RHCE: variants seen among roughly 807,000 people sequenced by gnomAD.
The protein encoded by RHCE is blood group Rh(CE) polypeptide.
Under a neutral mutation model 43.8 loss-of-function variants are expected in RHCE, and 22 were observed. The ratio of observed to expected loss-of-function variants is 0.50; its 90% CI spans 0.36 to 0.72. The LOEUF is 0.72. Among genes scored for constraint, RHCE ranks in the 30% least tolerant of loss-of-function variants. RHCE has a pLI of 0.00. For synonymous variants in RHCE, 156 were observed against 210.7 expected, an observed-to-expected ratio of 0.74 and a Z score of 2.25; for missense variants, 385 against 525.4, an observed-to-expected ratio of 0.73 and a Z score of 2.61.
intron 2 of RHCE, among the ~76,000 whole-genome samples, chr1:25,405,405 T>C (rs1032670863): frequency 1.3e-5 from 2 of 151,962 alleles, no homozygotes; most frequent in African/African-American, 4.8e-5. Flanking sequence ...GTAATCCCAG[T>C]ACTTTGGGAG....
intron 9 of RHCE, among the ~76,000 whole-genome samples, chr1:25,369,896 G>A (rs1206145847): frequency 3.3e-5 from 5 of 150,998 alleles, no homozygotes; most frequent in African/African-American, 9.9e-5. Flanking sequence ...GTGCTACCAC[G>A]CCCAGCTAAC....
chr1:25,405,424 G>A (rs181191523), intron 2 of RHCE, among the ~76,000 whole-genome samples: 62 of 152,314 alleles, frequency 4.1e-4, no homozygotes, highest in Non-Finnish European at 6.0e-4. Context: ...AGGCCTAGGC[G>A]GGTGGATCAC....
intron 6 of RHCE, among the ~76,000 whole-genome samples, chr1:25,386,169 C>T (rs1646152513): frequency 6.6e-6 from 1 of 152,174 alleles, no homozygotes; most frequent in Admixed American, 6.5e-5. Flanking sequence ...GCTGATAATT[C>T]CTTGTGATGG....
At chr1:25,382,054 G>A (rs1442069560) in intron 7 of RHCE, among the ~76,000 whole-genome samples, 10 of 151,318 alleles carry the variant, frequency 6.6e-5, no homozygotes, top group Non-Finnish European at 1.5e-5. Flanking sequence ...ATCATGACAT[G>A]GAGAAGTCAT....
At chr1:25,418,818 T>C (rs949487064) in intron 1 of RHCE, among the ~76,000 whole-genome samples, 2 of 152,228 alleles carry the variant, frequency 1.3e-5, no homozygotes, top group African/African-American at 4.8e-5. Flanking sequence ...GCCTGGGTTG[T>C]GGACCCTCCT....
chr1:25,394,442 C>G (rs914437329), intron 3 of RHCE, among the ~76,000 whole-genome samples: 1 of 152,060 alleles, frequency 6.6e-6, no homozygotes, highest in Non-Finnish European at 1.5e-5. Context: ...AAAAAATCAC[C>G]CCCTTGATGA....
chr1:25,408,067 C>T (rs376786749), intron 2 of RHCE, among the ~76,000 whole-genome samples: 1 of 123,058 alleles, frequency 8.1e-6, no homozygotes, highest in African/African-American at 2.5e-5. Flanking sequence ...GCAGGCCGGT[C>T]ACCTGAGGTC....
In RHCE at chr1:25,414,671, A is replaced by G. The variant is rs966501239; in HGVS notation, c.149-5802T>C. The stretch of plus-strand genomic sequence containing the variant: ...GGATGGGGGACTGAGTGGTATCCAC[A>G]GCACAGGACCCAGGATAGTCTCCCA... On this transcript the variant is annotated intron_variant, in intron 1 of 9. Transcript: ENST00000294413. Among the ~76,000 whole-genome samples, 3 of 152,314 alleles carry G rather than the reference A, an allele frequency of 2.0e-5. No homozygotes were observed. In the South Asian group the frequency reaches 6.2e-4, roughly 32 times the overall value.
intron 8 of RHCE, among the ~76,000 whole-genome samples, chr1:25,373,886 C>G (rs1645693065): frequency 6.7e-6 from 1 of 149,902 alleles, no homozygotes. Context: ...GCTGGTGCAA[C>G]CTTGGCTCAC....
upstream of RHCE, among the ~76,000 whole-genome samples, chr1:25,424,842 T>C (rs139523978): frequency 0.01 from 1,536 of 152,008 alleles, 24 homozygotes; most frequent in African/African-American, 0.035. Flanking sequence ...TTTTTTTAGA[T>C]GGAGTACTCT....
intron 6 of RHCE, among the ~76,000 whole-genome samples, chr1:25,388,761 C>G (rs1466803903): frequency 6.6e-6 from 1 of 152,196 alleles, no homozygotes; most frequent in Non-Finnish European, 1.5e-5. Context: ...TCCCCAGTGC[C>G]CAAGCAAGCT....
chr1:25,393,347 G>C (rs1214593322), intron 3 of RHCE, among the ~76,000 whole-genome samples: 4 of 152,144 alleles, frequency 2.6e-5, no homozygotes, highest in Admixed American at 6.6e-5. Context: ...CAGGCCGGGC[G>C]TGGTGGCTCA....
At chr1:25,381,055 C>A (rs1314299403) in intron 7 of RHCE, among the ~76,000 whole-genome samples, 1 of 151,980 alleles carries the variant, frequency 6.6e-6, no homozygotes, top group African/African-American at 2.4e-5. Flanking sequence ...GCGCCCACCA[C>A]CACGCCTGGC....
intron 1 of RHCE, among the ~76,000 whole-genome samples, chr1:25,411,896 G>A (rs1647091032): frequency 6.6e-6 from 1 of 152,194 alleles, no homozygotes; most frequent in South Asian, 2.1e-4. Context: ...AAGTGCATCT[G>A]CCATTTTGTA....
At chr1:25,430,202 A>T (rs901996639), upstream of RHCE, 1 of 152,022 alleles carries the variant, frequency 6.6e-6, no homozygotes, top group African/African-American at 2.4e-5. Flanking sequence ...TCTCTGCGCT[A>T]CGTCGCGCGC....
chr1:25,408,147 T>C (rs1230452984), intron 2 of RHCE, among the ~76,000 whole-genome samples: 1 of 121,456 alleles, frequency 8.2e-6, no homozygotes, highest in African/African-American at 2.5e-5. Context: ...ATCAGCCAGG[T>C]GTGGTGGCAC....
chr1:25,423,593 T>G (rs2042783605), upstream of RHCE, among the ~76,000 whole-genome samples: 2 of 152,216 alleles, frequency 1.3e-5, no homozygotes, highest in Non-Finnish European at 2.9e-5. Context: ...TCCCTGCAGT[T>G]GGCCTCTCCC....
At chr1:25,405,057 G>A (rs1019435126) in intron 2 of RHCE, among the ~76,000 whole-genome samples, 2 of 148,236 alleles carry the variant, frequency 1.3e-5, no homozygotes, top group Admixed American at 6.7e-5. Context: ...AAAAAAGCTA[G>A]GCGTGGTGGT....
In RHCE at chr1:25,401,745, A is replaced by G. The variant is rs147236258; in HGVS notation, c.486+851T>C. Among the ~76,000 whole-genome samples, 1,086 of 152,350 alleles carry G rather than the reference A, an allele frequency of 7.1e-3. 18 individuals carry two copies. The highest frequency in any genetic ancestry group is 0.025 in the African/African-American group (1,031 of 41,578). On this transcript the variant is annotated intron_variant, in intron 3 of 9. Coordinates refer to ENST00000294413, the MANE Select transcript of RHCE (RefSeq NM_020485.8). ...TTATACAACCATAATTACATCATGAATAGCACAATCCTACAGGATTATACT... is the reference window on the plus strand; with the variant it reads ...TTATACAACCATAATTACATCATGAGTAGCACAATCCTACAGGATTATACT...
Sources: allele counts gnomAD v4.1 joint callset (sites outside exome capture counted in the v4.1 genomes callset), GRCh38; gene constraint gnomAD v4.1.1; transcripts MANE v1.5; gene names NCBI Gene and HGNC (gene_info 2026-07-23, HGNC 2026-07-21).